Variants in LYPLA1 observed in about 807,000 individuals in gnomAD.
The protein encoded by LYPLA1 is lysophospholipase 1.
A neutral mutation model predicts 34.0 loss-of-function variants in LYPLA1; 17 were observed. That is an observed-to-expected ratio of 0.50 (90% CI 0.34 to 0.75). The LOEUF (loss-of-function observed/expected upper bound fraction) is 0.75, where lower values mean the gene tolerates loss of function less well. Ranked by LOEUF, LYPLA1 falls within the 30% of genes least tolerant of loss-of-function variation. The pLI, the probability that LYPLA1 is intolerant of heterozygous loss-of-function variation, is 0.01. For synonymous variants in LYPLA1, 98 were observed against 100.8 expected (o/e 0.97, Z 0.17); for missense variants, 203 against 288.8 (o/e 0.70, Z 2.15).
chr8:54,086,356 T>C lies in LYPLA1; in HGVS notation c.101+14552A>G, dbSNP rs1453121149. 3.4e-5 allele frequency among the ~76,000 whole-genome samples: 5 copies of C among 145,668 alleles called. No individual in the cohort carries two copies. The East Asian group carries it at 1.0e-3, about 29-fold the overall frequency. On this transcript the variant is annotated intron_variant, in intron 2 of 8. Coordinates refer to ENST00000316963, the MANE Select transcript of LYPLA1 (RefSeq NM_006330.4). The stretch of plus-strand genomic sequence containing the variant: ...TGTTCACATGTTTATCTGCTGACCT[T>C]CCCTCCACTATTGTCCTATGACCCT...
At chr8:54,063,889 T>G (rs1215474203) in intron 3 of LYPLA1, among the ~76,000 whole-genome samples, 1 of 152,128 alleles carries the variant, frequency 6.6e-6, no homozygotes, top group Non-Finnish European at 1.5e-5. Flanking sequence ...CCAATTCAAG[T>G]CTGTGATTAA....
At chr8:54,044,940 C>T (rs1421964368), downstream of LYPLA1, 1 of 152,168 alleles carries the variant, frequency 6.6e-6, no homozygotes, top group Non-Finnish European at 1.5e-5. Context: ...TTCTACTCAG[C>T]ATTTCCATGT....
intron 8 of LYPLA1, among the ~76,000 whole-genome samples, chr8:54,048,796 A>C (rs549390793): frequency 8.5e-5 from 13 of 152,310 alleles, no homozygotes; most frequent in African/African-American, 2.6e-4. Flanking sequence ...TTAGTCACTC[A>C]GAAAAGAGCC....
At chr8:54,073,799 C>G (rs554360312) in intron 2 of LYPLA1, among the ~76,000 whole-genome samples, 5 of 152,304 alleles carry the variant, frequency 3.3e-5, no homozygotes, top group African/African-American at 9.6e-5. Context: ...AAAAGTCAGC[C>G]ATATCTCCAT....
intron 2 of LYPLA1, among the ~76,000 whole-genome samples, chr8:54,090,834 A>G (rs1391651550): frequency 6.6e-6 from 1 of 152,124 alleles, no homozygotes; most frequent in East Asian, 1.9e-4. Flanking sequence ...GGTTTCCCCC[A>G]TGCTGTTCTT....
downstream of LYPLA1, among the ~76,000 whole-genome samples, chr8:54,043,895 C>T (rs1374606028): frequency 1.3e-5 from 2 of 151,944 alleles, no homozygotes; most frequent in Non-Finnish European, 2.9e-5. Flanking sequence ...CTCTTTTTCA[C>T]TTATTCTTCC....
chr8:54,062,006 C>G (rs141550826), intron 5 of LYPLA1, among the ~76,000 whole-genome samples: 2 of 152,210 alleles, frequency 1.3e-5, no homozygotes, highest in African/African-American at 4.8e-5. Context: ...CAGGCGCCCA[C>G]CACCATATCC....
At chr8:54,055,989 C>A (rs961675657) in intron 5 of LYPLA1, among the ~76,000 whole-genome samples, 6 of 152,032 alleles carry the variant, frequency 3.9e-5, no homozygotes, top group Non-Finnish European at 5.9e-5. Flanking sequence ...GCCAAAGCTA[C>A]CCTAAGCAAA....
At chr8:54,089,048 G>C (rs1809006264) in intron 2 of LYPLA1, among the ~76,000 whole-genome samples, 1 of 152,214 alleles carries the variant, frequency 6.6e-6, no homozygotes. Context: ...AAAGATAGTG[G>C]TTGCCAGGGA....
intron 2 of LYPLA1, among the ~76,000 whole-genome samples, chr8:54,082,647 G>A (rs1252613866): frequency 2.6e-5 from 4 of 152,046 alleles, no homozygotes; most frequent in Non-Finnish European, 5.9e-5. Flanking sequence ...TTAAATTGCT[G>A]GAATTCTAAC....
intron 1 of LYPLA1, chr8:54,101,398 C>G (rs866201377): frequency 9.5e-7 from 1 of 1,055,118 alleles, no homozygotes; most frequent in Non-Finnish European, 1.1e-6. Flanking sequence ...GATAAGAGTG[C>G]GAGGTGACAA....
At chr8:54,086,969 GAATGC>G (rs1268004650) in intron 2 of LYPLA1, among the ~76,000 whole-genome samples, 1 of 152,126 alleles carries the variant, frequency 6.6e-6, no homozygotes, top group East Asian at 1.9e-4. Flanking sequence ...ATCTTCCCTA[GAATGC>G]AAGGATGGTT....
At chr8:54,069,307 CCT>C (rs1167900028) in intron 2 of LYPLA1, among the ~76,000 whole-genome samples, 6 of 152,084 alleles carry the variant, frequency 3.9e-5, no homozygotes, top group African/African-American at 1.4e-4. Context: ...TGCTAATTAC[CCT>C]GATTTGATTC....
intron 7 of LYPLA1, 132 bp from the exon 8 acceptor site, chr8:54,051,320 T>C: frequency 1.4e-6 from 1 of 737,590 alleles, no homozygotes; most frequent in South Asian, 2.7e-5. Flanking sequence ...AAAAATAAAA[T>C]TCCTTCATCC....
intron 2 of LYPLA1, among the ~76,000 whole-genome samples, chr8:54,097,252 G>A (rs1383920049): frequency 6.6e-6 from 1 of 152,106 alleles, no homozygotes; most frequent in East Asian, 1.9e-4. Context: ...TTAGTCTACT[G>A]ATGCGCGCAA....
rs146895769 is a variant in LYPLA1 at position 54,051,264 on chromosome 8, C to T, written c.463-76G>A. ...ACTATGCCAGGCATTTAAAATTGTA[C>T]ATAAATATGCATATATATAACATAT... On this transcript the variant is annotated intron_variant, in intron 7 of 8. Transcript: ENST00000316963. The T allele has an allele frequency of 8.9e-5, 104 of 1,172,256 alleles. 1 individual carries two copies. In the East Asian group the frequency reaches 2.4e-3, roughly 27 times the overall value. The allele number at this position is 1,172,256 out of a possible 1,614,324, so 72.6% of individuals were successfully genotyped here.
chr8:54,098,257 C>T (rs545372798), intron 2 of LYPLA1, among the ~76,000 whole-genome samples: 1 of 151,522 alleles, frequency 6.6e-6, no homozygotes, highest in East Asian at 1.9e-4. Flanking sequence ...AAACAGTTGA[C>T]CTGATAACCC....
At chr8:54,062,231 T>C in intron 5 of LYPLA1, 23 bp downstream of exon 5, 1 of 1,512,658 alleles carries the variant, frequency 6.6e-7, no homozygotes, top group Non-Finnish European at 9.1e-7. Flanking sequence ...ACTTTTGGCT[T>C]TATAAACATT....
chr8:54,096,997 T>C (rs1353841714), intron 2 of LYPLA1, among the ~76,000 whole-genome samples: 2 of 151,144 alleles, frequency 1.3e-5, no homozygotes, highest in African/African-American at 2.4e-5. Flanking sequence ...ATAAACAAAA[T>C]GGAATGACAA....
Sources: gnomAD v4.1 joint callset for allele counts (sites outside exome capture counted in the v4.1 genomes callset) on GRCh38, gnomAD v4.1.1 for gene constraint, MANE v1.5 for transcripts, NCBI Gene and HGNC (gene_info 2026-07-23, HGNC 2026-07-21) for gene names.